CYREN: variants seen among roughly 807,000 people sequenced by gnomAD.
The protein encoded by CYREN is cell cycle regulator of non-homologous end joining.
CYREN carries 7 observed loss-of-function variants against 9.7 expected under a neutral mutation model. That is an observed-to-expected ratio of 0.72 (90% CI 0.41 to 1.36). The LOEUF (loss-of-function observed/expected upper bound fraction) is 1.36. Ranked by LOEUF, CYREN falls within the 40% of genes most tolerant of loss-of-function variation. CYREN has a pLI of 0.01. For missense variants in CYREN, 215 were observed against 198.1 expected, an observed-to-expected ratio of 1.09 and a Z score of -0.51; for synonymous variants, 76 against 77.9, an observed-to-expected ratio of 0.98 and a Z score of 0.13.
intron 2 of CYREN, among the ~76,000 whole-genome samples, chr7:135,133,261 C>T (rs1829047438): frequency 6.6e-6 from 1 of 152,110 alleles, no homozygotes; most frequent in Non-Finnish European, 1.5e-5. Flanking sequence ...GAAAAGTATA[C>T]AACATGAATA....
At chr7:135,168,126 G>C in intron 2 of CYREN, 1 of 377,142 alleles carries the variant, frequency 2.7e-6, no homozygotes, top group East Asian at 6.2e-5. Flanking sequence ...CTCGGGCTGA[G>C]GCTGTACTGA....
At chr7:135,165,446 G>GAGGTGTCCCA (rs1362491278), downstream of CYREN, 2 of 176,204 alleles carry the variant, frequency 1.1e-5, no homozygotes, top group Admixed American at 1.2e-4. Flanking sequence ...CAGTGTCTCT[G>GAGGTGTCCCA]GGGACATGGT....
chr7:135,115,368 G>T lies in CYREN; in HGVS notation n.357-20786C>A, dbSNP rs1479391244. The T allele has an allele frequency of 4.6e-6, 7 of 1,520,638 alleles. No individual in the cohort carries two copies. In the Admixed American group the frequency reaches 8.1e-5, roughly 18 times the overall value. 94.2% of individuals were successfully genotyped at this position (1,520,638 alleles called of 1,614,324 possible). ...TCATATCTCTGTACATATTTTTGTG[G>T]TTGCTCCCCAGATCTGCACCACAAC... On this transcript the variant is annotated intron_variant and non_coding_transcript_variant, in intron 2 of 2. Coordinates refer to the CYREN transcript ENST00000459937.
At chr7:135,129,396 CA>C in intron 2 of CYREN, 1 of 825,330 alleles carries the variant, frequency 1.2e-6, no homozygotes. Context: ...ACTTTTGGAA[CA>C]AAGGTATGAT....
At chr7:135,167,316 C>T in intron 3 of CYREN, 1 of 1,071,138 alleles carries the variant, frequency 9.3e-7, no homozygotes, top group African/African-American at 1.7e-5. Context: ...AACTCTGAGG[C>T]ACTGCAATTA....
intron 2 of CYREN, among the ~76,000 whole-genome samples, chr7:135,138,068 G>A (rs1224272074): frequency 6.6e-6 from 1 of 151,994 alleles, no homozygotes; most frequent in Non-Finnish European, 1.5e-5. Flanking sequence ...GCTGACTACA[G>A]TTCTGTATCC....
At chr7:135,119,782 C>A (rs1207531229) in intron 2 of CYREN, among the ~76,000 whole-genome samples, 1 of 152,034 alleles carries the variant, frequency 6.6e-6, no homozygotes, top group African/African-American at 2.4e-5. Flanking sequence ...GAGGCTGAGG[C>A]AGGAGAATGG....
intron 2 of CYREN, among the ~76,000 whole-genome samples, chr7:135,110,614 C>T (rs1451125267): frequency 2.0e-5 from 3 of 152,170 alleles, no homozygotes; most frequent in Non-Finnish European, 4.4e-5. Flanking sequence ...TGTGTCGCTC[C>T]TGGGTGGGCA....
exon 3 of CYREN, chr7:135,094,312 G>T (rs567164985): frequency 6.6e-6 from 3 of 452,176 alleles, no homozygotes; most frequent in South Asian, 4.7e-5. Context: ...AGGCTGACAA[G>T]TAAACTACTA....
intron 2 of CYREN, chr7:135,147,771 G>A (rs1456878402): frequency 2.2e-6 from 1 of 456,130 alleles, no homozygotes; most frequent in Admixed American, 2.3e-5. Context: ...GATCCTGATG[G>A]GTTTCTTCTG....
At chr7:135,159,788 A>G (rs780823532) in intron 2 of CYREN, among the ~76,000 whole-genome samples, 9 of 152,274 alleles carry the variant, frequency 5.9e-5, no homozygotes, top group Non-Finnish European at 1.0e-4. Context: ...CAGATGGTCA[A>G]CAAACACTTG....
chr7:135,132,469 T>C (rs1490062546), intron 2 of CYREN, among the ~76,000 whole-genome samples: 1 of 152,070 alleles, frequency 6.6e-6, no homozygotes, highest in East Asian at 1.9e-4. Flanking sequence ...TCAGTACCCA[T>C]CCATGATAAA....
intron 2 of CYREN, among the ~76,000 whole-genome samples, chr7:135,126,464 C>T (rs1344383492): frequency 6.6e-6 from 1 of 152,158 alleles, no homozygotes; most frequent in Non-Finnish European, 1.5e-5. Context: ...CAGTACTGCC[C>T]AAAGTAATTT....
At chr7:135,109,047 TC>T (rs141118054) in intron 2 of CYREN, among the ~76,000 whole-genome samples, 36,122 of 152,110 alleles carry the variant, frequency 0.24, 5,331 homozygotes, top group South Asian at 0.42. Flanking sequence ...TCAGTTAGGT[TC>T]TTTTTTATAC....
intron 2 of CYREN, among the ~76,000 whole-genome samples, chr7:135,133,344 G>A (rs1482510824): frequency 6.6e-6 from 1 of 152,188 alleles, no homozygotes; most frequent in African/African-American, 2.4e-5. Flanking sequence ...CAATAAAGAT[G>A]TCAGTTCTTC....
At chr7:135,100,504 T>C (rs1823669214) in intron 2 of CYREN, among the ~76,000 whole-genome samples, 1 of 152,176 alleles carries the variant, frequency 6.6e-6, no homozygotes, top group African/African-American at 2.4e-5. Context: ...ACCAACTAGA[T>C]TTGTACAACA....
chr7:135,121,153 C>T (rs1307544472), intron 2 of CYREN, among the ~76,000 whole-genome samples: 1 of 152,072 alleles, frequency 6.6e-6, no homozygotes, highest in Non-Finnish European at 1.5e-5. Flanking sequence ...TGCGGTGAGC[C>T]AAGATGGTGC....
At chr7:135,156,389 T>C (rs1021479312) in intron 2 of CYREN, among the ~76,000 whole-genome samples, 4 of 152,170 alleles carry the variant, frequency 2.6e-5, no homozygotes, top group African/African-American at 9.7e-5. Flanking sequence ...AAAGGCTTTA[T>C]TCATTCTTTT....
At chr7:135,133,121 T>C (rs1347485009) in intron 2 of CYREN, among the ~76,000 whole-genome samples, 1 of 151,956 alleles carries the variant, frequency 6.6e-6, no homozygotes, top group Non-Finnish European at 1.5e-5. Context: ...TAATAAGTTA[T>C]GCTAGGCCTC....
Sources: allele counts gnomAD v4.1 joint callset (sites outside exome capture counted in the v4.1 genomes callset), GRCh38; gene constraint gnomAD v4.1.1; transcripts MANE v1.5; gene names NCBI Gene and HGNC (gene_info 2026-07-23, HGNC 2026-07-21).